The following WDR7 variants were observed in gnomAD, a reference collection of about 807,000 sequenced individuals.
The protein encoded by WDR7 is WD repeat-containing protein 7.
A neutral mutation model predicts 169.4 loss-of-function variants in WDR7; 46 were observed. The ratio of observed to expected loss-of-function variants is 0.27; its 90% CI spans 0.21 to 0.35. WDR7 has a LOEUF of 0.35. WDR7 is among the 10% of genes least tolerant of loss of function. The probability of loss-of-function intolerance (pLI) is 1.00; values close to 1 mark genes in which losing one functional copy is unlikely to be tolerated. For synonymous variants in WDR7, 612 were observed against 666.8 expected, an observed-to-expected ratio of 0.92 and a Z score of 1.27; for missense variants, 1,534 against 1,859.3, an observed-to-expected ratio of 0.83 and a Z score of 3.22.
chr18:56,678,042 A>G (rs932785158), intron 2 of WDR7, among the ~76,000 whole-genome samples: 11 of 152,190 alleles, frequency 7.2e-5, no homozygotes, highest in Admixed American at 7.2e-4. Flanking sequence ...CATTTCCGCT[A>G]TTAAAAGATT....
At chr18:56,896,037 C>T (rs2046328571) in intron 21 of WDR7, among the ~76,000 whole-genome samples, 1 of 151,656 alleles carries the variant, frequency 6.6e-6, no homozygotes, top group Admixed American at 6.6e-5. Flanking sequence ...AATATTAACT[C>T]ATATAATCCT....
At chr18:56,988,900 G>C (rs1317076386) in intron 26 of WDR7, among the ~76,000 whole-genome samples, 1 of 151,870 alleles carries the variant, frequency 6.6e-6, no homozygotes, top group Non-Finnish European at 1.5e-5. Context: ...TTTTGTTCCG[G>C]TTTCTTGTAA....
intron 21 of WDR7, among the ~76,000 whole-genome samples, chr18:56,905,275 A>G (rs2046460414): frequency 6.6e-6 from 1 of 152,240 alleles, no homozygotes; most frequent in Admixed American, 6.5e-5. Flanking sequence ...CAGCCTCCCG[A>G]GTAGCTGGGA....
intron 19 of WDR7, among the ~76,000 whole-genome samples, chr18:56,790,120 T>C (rs116032351): frequency 0.01 from 1,558 of 152,324 alleles, 29 homozygotes; most frequent in African/African-American, 0.035. Context: ...ACACTGCACA[T>C]GAATACCGGA....
At chr18:56,924,310 C>T (rs1181132057) in intron 22 of WDR7, among the ~76,000 whole-genome samples, 2 of 152,024 alleles carry the variant, frequency 1.3e-5, no homozygotes, top group Non-Finnish European at 2.9e-5. Context: ...GGATTTAGCC[C>T]TGAGCCAGTG....
chr18:56,979,436 T>C (rs1395967830), intron 26 of WDR7, among the ~76,000 whole-genome samples: 1 of 152,184 alleles, frequency 6.6e-6, no homozygotes, highest in African/African-American at 2.4e-5. Flanking sequence ...AGTGCCCTTT[T>C]TGATGTCTTT....
chr18:57,019,385 A>G (rs9963904), intron 26 of WDR7, among the ~76,000 whole-genome samples: 120,363 of 152,072 alleles, frequency 0.79, 48,764 homozygotes, highest in Non-Finnish European at 0.87. Context: ...GGTACTCTGC[A>G]ATGTTAAGTT....
intron 17 of WDR7, among the ~76,000 whole-genome samples, chr18:56,778,761 ATTAGGT>A (rs2044275594): frequency 6.6e-6 from 1 of 152,162 alleles, no homozygotes; most frequent in Admixed American, 6.6e-5. Flanking sequence ...ATTGTCATAG[ATTAGGT>A]TTAACAATGT....
intron 14 of WDR7, among the ~76,000 whole-genome samples, chr18:56,756,281 AT>A (rs1472733118): frequency 6.6e-6 from 1 of 152,204 alleles, no homozygotes; most frequent in East Asian, 1.9e-4. Context: ...ATTGAAACAC[AT>A]TTTAATCATT....
intron 19 of WDR7, among the ~76,000 whole-genome samples, chr18:56,808,622 T>C (rs1034643191): frequency 1.3e-5 from 2 of 152,192 alleles, no homozygotes; most frequent in Non-Finnish European, 2.9e-5. Context: ...ATTAGTATTT[T>C]GTTCTCGCAT....
At chr18:56,664,765 A>G (rs552183766) in intron 1 of WDR7, among the ~76,000 whole-genome samples, 1 of 152,268 alleles carries the variant, frequency 6.6e-6, no homozygotes, top group South Asian at 2.1e-4. Flanking sequence ...AGATTTATAG[A>G]TTTTATCCTT....
chr18:56,799,285 T>C (rs1462855833), intron 19 of WDR7, among the ~76,000 whole-genome samples: 2 of 152,204 alleles, frequency 1.3e-5, no homozygotes, highest in Non-Finnish European at 2.9e-5. Context: ...TCTTGTACTG[T>C]ATAACTTTTA....
At chr18:57,004,250 C>T (rs1297394527) in intron 26 of WDR7, among the ~76,000 whole-genome samples, 1 of 152,072 alleles carries the variant, frequency 6.6e-6, no homozygotes, top group Admixed American at 6.6e-5. Context: ...CCTCTGACAT[C>T]CCACACATAC....
At chr18:56,919,189 A>G (rs944890106) in intron 21 of WDR7, among the ~76,000 whole-genome samples, 5 of 152,186 alleles carry the variant, frequency 3.3e-5, no homozygotes, top group Non-Finnish European at 7.3e-5. Flanking sequence ...ACAGCTGACA[A>G]ACTGCATTTC....
chr18:56,773,343 G>GT (rs34599349), intron 16 of WDR7, among the ~76,000 whole-genome samples: 6,625 of 148,322 alleles, frequency 0.045, 461 homozygotes, highest in African/African-American at 0.15. Flanking sequence ...TTAAAGAGAA[G>GT]TTTTTTTTTT....
At chr18:56,684,252 G>T (rs1263788933) in intron 5 of WDR7, among the ~76,000 whole-genome samples, 1 of 152,144 alleles carries the variant, frequency 6.6e-6, no homozygotes, top group Non-Finnish European at 1.5e-5. Context: ...TATAAGGCTG[G>T]CAGAGCTGGC....
chr18:56,945,689 A>G (rs1260306882), intron 25 of WDR7, among the ~76,000 whole-genome samples: 3 of 152,162 alleles, frequency 2.0e-5, no homozygotes, highest in Non-Finnish European at 4.4e-5. Context: ...ACTACCTTCA[A>G]GAGAATGACC....
chr18:56,992,231 T>G (rs574741513), intron 26 of WDR7, among the ~76,000 whole-genome samples: 5 of 152,380 alleles, frequency 3.3e-5, no homozygotes, highest in African/African-American at 1.2e-4. Flanking sequence ...GCTTTAGAGC[T>G]GGAAAGCTGA....
chr18:56,659,512 A>G (rs2024858922), intron 1 of WDR7, among the ~76,000 whole-genome samples: 1 of 152,228 alleles, frequency 6.6e-6, no homozygotes, highest in Admixed American at 6.5e-5. Context: ...AAATAAATAA[A>G]ACATATGGTA....
Sources: gnomAD v4.1 joint callset for allele counts (sites outside exome capture counted in the v4.1 genomes callset) on GRCh38, gnomAD v4.1.1 for gene constraint, MANE v1.5 for transcripts, NCBI Gene and HGNC (gene_info 2026-07-23, HGNC 2026-07-21) for gene names.